LTBP2: variants seen among roughly 807,000 people sequenced by gnomAD.
LTBP2 encodes the protein latent-transforming growth factor beta-binding protein 2.
LTBP2 carries 103 observed loss-of-function variants against 210.6 expected under a neutral mutation model. The ratio of observed to expected loss-of-function variants is 0.49; its 90% CI spans 0.42 to 0.58. The LOEUF is 0.58. Among genes scored for constraint, LTBP2 ranks in the 20% least tolerant of loss-of-function variants. The pLI is 0.00. For synonymous variants in LTBP2, 1,007 were observed against 1,015.0 expected, an observed-to-expected ratio of 0.99 and a Z score of 0.15; for missense variants, 2,313 against 2,494.5, an observed-to-expected ratio of 0.93 and a Z score of 1.55.
chr14:74,548,781 T>C (rs1281605514), intron 8 of LTBP2, among the ~76,000 whole-genome samples: 1 of 152,194 alleles, frequency 6.6e-6, no homozygotes, highest in African/African-American at 2.4e-5. Flanking sequence ...TCTACAGCAG[T>C]CTACGAGGCT....
Position 74,516,816 on chromosome 14 carries a change from C to T in LTBP2, c.2908+6G>A, listed in dbSNP as rs2087141342. ...GCAGGGCGCTTCCCTCCTTCCCGTT[C>T]CTTACCTTGGCAGTGTCCTTTCCTG... On this transcript the variant is annotated splice_donor_region_variant and intron_variant, in intron 18 of 35. Transcript: ENST00000261978. The T allele has an allele frequency of 6.4e-7, 1 of 1,551,718 alleles. No homozygotes were observed. Among genetic ancestry groups the T allele is most frequent in the Non-Finnish European group, 8.7e-7 (1 of 1,147,012 alleles).
At chr14:74,584,809 C>T (rs532764138) in intron 3 of LTBP2, among the ~76,000 whole-genome samples, 32 of 152,212 alleles carry the variant, frequency 2.1e-4, no homozygotes, top group African/African-American at 5.8e-4. Context: ...TCCGCCTGAC[C>T]TCACCCACTC....
At chr14:74,587,631 G>A (rs2088226622) in intron 2 of LTBP2, among the ~76,000 whole-genome samples, 1 of 151,944 alleles carries the variant, frequency 6.6e-6, no homozygotes. Flanking sequence ...TGGCGGAGGA[G>A]GTGTAGGCAA....
In LTBP2 at chr14:74,603,661, G is replaced by C; in HGVS notation, c.539C>G (p.Ala180Gly). Residue 180 changes from alanine to glycine, a missense_variant, in exon 2 of 36, where the codon GCA (alanine) becomes GGA (glycine). By Grantham distance (60) the Ala-to-Gly change is moderately conservative (BLOSUM62 0). This residue lies in a region of LTBP2 where 1,867 missense variants were observed against 1,976.9 expected (regional missense o/e 0.94). Transcript: ENST00000261978. ...TTTGATACAGTGGTTGGTGCTGTTTGCTGTTGTCCATCCTGGGCAGCACTG... is the reference window on the plus strand; with the variant it reads ...TTTGATACAGTGGTTGGTGCTGTTTCCTGTTGTCCATCCTGGGCAGCACTG... ...GGQCCPGWTT[A>G]NSTNHCIKPV... 1 of 1,614,192 alleles carries C rather than the reference G, an allele frequency of 6.2e-7. No homozygotes were observed. Among genetic ancestry groups the C allele is most frequent in the South Asian group, 1.1e-5 (1 of 91,082 alleles).
In LTBP2 at chr14:74,504,037, T is replaced by G; in HGVS notation, c.4471A>C (p.Ile1491Leu). The G allele has an allele frequency of 6.2e-7, 1 of 1,613,976 alleles. No homozygotes were observed. Among genetic ancestry groups the G allele is most frequent in the Non-Finnish European group, 8.5e-7 (1 of 1,179,982 alleles). The change falls in exon 31 of 36, where the codon ATA (isoleucine) becomes CTA (leucine). Residue 1491 changes from isoleucine to leucine, a missense_variant. By Grantham distance (5) the Ile-to-Leu change is conservative. Transcript: ENST00000261978. ...TMYTDADECV[I>L]FGPGLCPNGR... ...TTCGGGCAGAGACCAGGCCCGAATA[T>G]CACACACTCATCCGCATCTGTGGAA...
In LTBP2 at chr14:74,507,235, C is replaced by A. The variant is rs201598003; in HGVS notation, c.3851G>T (p.Arg1284Leu). 5.0e-6 allele frequency: 8 copies of A among 1,614,082 alleles called. No homozygotes were observed. In the East Asian group the frequency reaches 1.6e-4, roughly 31 times the overall value. The part of the protein sequence containing the change: ...WKCENSPGSY[R>L]CVLGCQPGFH... ...GCCAGGCTGGCAGCCCAGAACACAG[C>A]GGTAGGAGCCAGGGCTGTTTTCACA... The change falls in exon 26 of 36, where the codon CGC becomes CTC. Residue 1284 changes from arginine (R) to leucine (L), a missense_variant. Transcript: ENST00000261978.
intron 1 of LTBP2, among the ~76,000 whole-genome samples, chr14:74,608,715 GAAAAAAAA>G (rs5809673): frequency 8.6e-6 from 1 of 116,274 alleles, no homozygotes; most frequent in African/African-American, 3.3e-5. Flanking sequence ...TCAAAAAAAA[GAAAAAAAA>G]AAAAAGAAAA....
rs1273804404 is a variant in LTBP2 at position 74,586,563 on chromosome 14, G to A, written c.566-445C>T. ...GGATGAATGAATCAGTCTCTTTTGCGGGAAAGGGCCCAACACTGGCCTGAA... is the reference window on the plus strand; with the variant it reads ...GGATGAATGAATCAGTCTCTTTTGCAGGAAAGGGCCCAACACTGGCCTGAA... On this transcript the variant is annotated intron_variant, in intron 2 of 35. Transcript: ENST00000261978. The surrounding 1 kb of genome is among the most constrained non-coding windows in gnomAD (Gnocchi z 4.6). 6.6e-6 allele frequency among the ~76,000 whole-genome samples: 1 copy of A among 152,150 alleles called. No homozygotes were observed. The highest frequency in any genetic ancestry group is 1.9e-4 in the East Asian group (1 of 5,192).
At chr14:74,504,264 G>C (rs1207922758) in intron 30 of LTBP2, among the ~76,000 whole-genome samples, 1 of 152,222 alleles carries the variant, frequency 6.6e-6, no homozygotes, top group African/African-American at 2.4e-5. Context: ...TGTGTGAGGT[G>C]CTCAAAAAAG....
At chr14:74,539,483 T>A (rs1310818125) in intron 8 of LTBP2, among the ~76,000 whole-genome samples, 1 of 151,836 alleles carries the variant, frequency 6.6e-6, no homozygotes, top group African/African-American at 2.4e-5. Context: ...GAGGCAGGAG[T>A]GTCCCTTGAG....
chr14:74,514,733 G>A (rs2087113939), intron 18 of LTBP2, among the ~76,000 whole-genome samples: 1 of 152,194 alleles, frequency 6.6e-6, no homozygotes, highest in South Asian at 2.1e-4. Context: ...CCTCTGTCCA[G>A]ACCACTCAGC....
chr14:74,529,380 A>C lies in LTBP2; in HGVS notation c.1988-258T>G, dbSNP rs1355094501. 2.0e-5 allele frequency among the ~76,000 whole-genome samples: 3 copies of C among 152,346 alleles called. No individual in the cohort carries two copies. The East Asian group carries it at 5.8e-4, about 29-fold the overall frequency. Reference sequence around the variant, plus strand: ...TCCCCACCTGCATGTGGAGAACCTGAGAGCAGGGAATGAGGATGCAGCTGC... The same window carrying C: ...TCCCCACCTGCATGTGGAGAACCTGCGAGCAGGGAATGAGGATGCAGCTGC... On this transcript the variant is annotated intron_variant, in intron 10 of 35. Transcript: ENST00000261978.
chr14:74,608,750 A>G (rs2088564609), intron 1 of LTBP2, among the ~76,000 whole-genome samples: 1 of 115,976 alleles, frequency 8.6e-6, no homozygotes, highest in Non-Finnish European at 1.8e-5. Context: ...AGAAAGAATA[A>G]AGAAAAGAAA....
At chr14:74,593,072 TAAAAGC>T (rs1236667327) in intron 2 of LTBP2, among the ~76,000 whole-genome samples, 5 of 152,306 alleles carry the variant, frequency 3.3e-5, no homozygotes, top group Admixed American at 3.3e-4. Flanking sequence ...GAAATTGCTT[TAAAAGC>T]AAGAAATAAA....
rs2087763667 is a variant in LTBP2, at chr14:74,559,228, G to A, written c.831-3535C>T. 2.0e-5 allele frequency among the ~76,000 whole-genome samples: 3 copies of A among 152,264 alleles called. No homozygotes were observed. The South Asian group carries it at 6.2e-4, about 32-fold the overall frequency. ...AAAGACTCCAGAAAAAAGTGTTATTGCTGTCCAAGTGTCCTTATATATACA... is the reference window on the plus strand; with the variant it reads ...AAAGACTCCAGAAAAAAGTGTTATTACTGTCCAAGTGTCCTTATATATACA... On this transcript the variant is annotated intron_variant, in intron 3 of 35. Coordinates refer to ENST00000261978, the MANE Select transcript of LTBP2 (RefSeq NM_000428.3).
intron 15 of LTBP2, among the ~76,000 whole-genome samples, chr14:74,523,136 G>T (rs1486606590): frequency 1.3e-5 from 2 of 152,046 alleles, no homozygotes; most frequent in Admixed American, 1.3e-4. Flanking sequence ...GGAGGTCATA[G>T]TAGGGCATCC....
chr14:74,590,498 G>A (rs1405506625), intron 2 of LTBP2, among the ~76,000 whole-genome samples: 3 of 152,252 alleles, frequency 2.0e-5, no homozygotes, highest in African/African-American at 4.8e-5. Flanking sequence ...CCAGCTACTC[G>A]GGAGGCTGAG....
rs4899521 is a variant in LTBP2, at chr14:74,536,071, C to T, written c.1790-71G>A. On this transcript the variant is annotated intron_variant, in intron 8 of 35. Transcript: ENST00000261978. The stretch of plus-strand genomic sequence containing the variant: ...CTCCTCTGTCACCCATGCTGGGAAG[C>T]GGGTGCAGTCTGGATGTCCAGCCCA... 8.1e-3 allele frequency: 11,147 copies of T among 1,375,414 alleles called. 73 individuals are homozygous for T. Among genetic ancestry groups the T allele is most frequent in the Middle Eastern group, 0.012 (69 of 5,648 alleles). 85.2% of individuals were successfully genotyped at this position (1,375,414 alleles called of 1,614,324 possible). A position where few individuals can be genotyped will look rare whatever the true frequency, so the allele number is the denominator to read the frequency against.
At chr14:74,505,914 T>C in intron 28 of LTBP2, 134 bp downstream of exon 28, 2 of 1,265,314 alleles carry the variant, frequency 1.6e-6, no homozygotes, top group Non-Finnish European at 2.2e-6. Context: ...AGGCCCCGCC[T>C]GCACCTCCCT....
Sources: allele counts gnomAD v4.1 joint callset (sites outside exome capture counted in the v4.1 genomes callset), GRCh38; gene constraint gnomAD v4.1.1; regional missense constraint gnomAD v4.1.1; non-coding constraint Gnocchi (gnomAD v3.1); transcripts MANE v1.5; gene names NCBI Gene and HGNC (gene_info 2026-07-23, HGNC 2026-07-21).